Variants in RABL6 observed in about 807,000 individuals in gnomAD.
The protein encoded by RABL6 is rab-like protein 6.
RABL6 carries 28 observed loss-of-function variants against 72.9 expected under a neutral mutation model. The ratio of observed to expected loss-of-function variants is 0.38; its 90% CI spans 0.28 to 0.53. The LOEUF is 0.53. RABL6 is among the 20% of genes least tolerant of loss of function. The probability of loss-of-function intolerance (pLI) is 0.80; values close to 1 mark genes in which losing one functional copy is unlikely to be tolerated. For synonymous variants in RABL6, 477 were observed against 421.2 expected (o/e 1.13, Z -1.62); for missense variants, 1,029 against 1,008.4 (o/e 1.02, Z -0.28).
intron 9 of RABL6, 41 bp downstream of exon 9, chr9:136,837,703 C>A: frequency 6.4e-7 from 1 of 1,550,636 alleles, no homozygotes; most frequent in Non-Finnish European, 8.7e-7. Flanking sequence ...GTCCCAGACC[C>A]CCAGGCCCTC....
chr9:136,835,264 G>A (rs1324634435), intron 7 of RABL6: 1 of 153,086 alleles, frequency 6.5e-6, no homozygotes, highest in African/African-American at 2.4e-5. Flanking sequence ...CAGCTCATCA[G>A]ACCAGCCTGG....
intron 9 of RABL6, 68 bp downstream of exon 9, chr9:136,837,730 A>G (rs1291071658): frequency 1.4e-5 from 21 of 1,544,626 alleles, no homozygotes; most frequent in Non-Finnish European, 1.8e-5. Context: ...GGGGTCCTGG[A>G]TTTCGGAGCG....
At chr9:136,821,516 C>T (rs1478740309) in intron 1 of RABL6, 5 of 985,334 alleles carry the variant, frequency 5.1e-6, no homozygotes, top group Non-Finnish European at 6.0e-6. Flanking sequence ...GCTATGCGTG[C>T]GCGGCCCGGG....
Position 136,840,180 on chromosome 9 carries a change from G to GAGA in RABL6, c.1974_1976dup (p.Lys660dup), listed in dbSNP as rs145591109. ...TAAGGAGGGCAAAACCCCCTCTAAGGAGAAGAAGAAGAAGAAGAAAAAAGG... is the reference window on the plus strand; with the variant it reads ...TAAGGAGGGCAAAACCCCCTCTAAGGAGAAGAAGAAGAAGAAGAAGAAAAAAGG... On this transcript the variant is annotated inframe_insertion, in exon 14 of 15. Transcript: ENST00000311502. 5.5e-5 allele frequency: 89 copies of GAGA among 1,612,488 alleles called. No homozygotes were observed. The highest frequency in any genetic ancestry group is 2.0e-4 in the East Asian group (9 of 44,838).
rs994450349 is a variant in RABL6, at chr9:136,840,797, G to T, written c.*275G>T. The T allele has an allele frequency of 3.0e-5, 47 of 1,547,486 alleles. No homozygotes were observed. The African/African-American group carries it at 5.3e-4, about 18-fold the overall frequency. On this transcript the variant is annotated 3_prime_UTR_variant, in exon 15 of 15. Coordinates refer to ENST00000311502, the MANE Select transcript of RABL6 (RefSeq NM_024718.5). Reference sequence around the variant, plus strand: ...GCCCTCTCGGGGCAGAGCCGCCAGTGTTTCTCAGGGATGTGACTGAGGCCC... The same window carrying T: ...GCCCTCTCGGGGCAGAGCCGCCAGTTTTTCTCAGGGATGTGACTGAGGCCC...
Position 136,826,697 on chromosome 9 carries a change from T to G in RABL6, c.313+871T>G, listed in dbSNP as rs1466566393. 6.6e-6 allele frequency: 1 copy of G among 152,172 alleles called. No individual in the cohort carries two copies. The highest frequency in any genetic ancestry group is 1.5e-5 in the Non-Finnish European group (1 of 68,102). 9.4% of individuals were successfully genotyped at this position (152,172 alleles called of 1,614,324 possible). ...GTTCCAGATGCTGTCTCTGCAGAGC[T>G]CTGCGTGGTCTCTGGTGTTAGAGAG... On this transcript the variant is annotated intron_variant, in intron 3 of 14. Transcript: ENST00000311502. This position sits in a 1 kb window ranked among gnomAD's most constrained non-coding sequence, Gnocchi z 4.9.
chr9:136,835,991 G>C, intron 8 of RABL6, 146 bp downstream of exon 8: 1 of 750,998 alleles, frequency 1.3e-6, no homozygotes, highest in Non-Finnish European at 2.2e-6. Context: ...GGGTGGAGGA[G>C]GACTCAGGTT....
rs755566761 is a variant in RABL6, at chr9:136,831,840, A to T, written c.578A>T (p.Asp193Val). Residue 193 changes from aspartate to valine, a missense_variant, in exon 6 of 15, where the codon GAC (aspartate) becomes GTC (valine). By Grantham distance (152) the Asp-to-Val change is radical (BLOSUM62 -3). Around this residue, in one of 2 missense-constraint regions of RABL6, gnomAD observed 434 missense variants for 536.1 expected, o/e 0.81. Transcript: ENST00000311502. ...HRVILPDDVR[D>V]FIDNLDRPPG... The stretch of plus-strand genomic sequence containing the variant: ...GTCATCCTGCCGGACGACGTGCGTG[A>T]CTTCATCGACAACCTGGACAGGTGG... 2 of 1,612,194 alleles carry T rather than the reference A, an allele frequency of 1.2e-6. No individual in the cohort carries two copies. The highest frequency in any genetic ancestry group is 2.2e-5 in the South Asian group (2 of 91,000).
At position 136,823,392 on chromosome 9, in the gene RABL6, C is replaced by T. The variant is rs1848284865; in HGVS notation, c.131-133C>T. ...TCGTCTTCCTCCCCTGCCTGCCGGT[C>T]ACCTGGTCTGATTCTAGCAAGAAAG... is the stretch of plus-strand genomic sequence containing the variant. On this transcript the variant is annotated intron_variant, in intron 1 of 14. Coordinates refer to ENST00000311502, the MANE Select transcript of RABL6 (RefSeq NM_024718.5). 9 of 1,257,768 alleles carry T rather than the reference C, an allele frequency of 7.2e-6. No individual in the cohort carries two copies. In the South Asian group the frequency reaches 1.2e-4, roughly 17 times the overall value. The allele number at this position is 1,257,768 out of a possible 1,614,324, so 77.9% of individuals were successfully genotyped here. A position where few individuals can be genotyped will look rare whatever the true frequency, so the allele number is the denominator to read the frequency against.
At chr9:136,808,432 G>C (rs1847918022) in intron 1 of RABL6, 106 bp downstream of exon 1, 1 of 1,207,138 alleles carries the variant, frequency 8.3e-7, no homozygotes, top group South Asian at 2.8e-5. Context: ...CTTGCCGGTT[G>C]TGGGGTGCGC....
Position 136,831,781 on chromosome 9 carries a change from G to C in RABL6, c.519G>C (p.Val173=), listed in dbSNP as rs1848479744. 1 of 1,613,402 alleles carries C rather than the reference G, an allele frequency of 6.2e-7. No homozygotes were observed. Among genetic ancestry groups the C allele is most frequent in the African/African-American group, 1.3e-5 (1 of 74,916 alleles). ...TGCCCACCCACGTGCCAGTGTGCGT[G>C]CTGGGAAACTACCGGGACATGGGCG... ...PKVPTHVPVC[V]LGNYRDMGEH... The change falls in exon 6 of 15, where the codon GTG becomes GTC. Residue 173 remains valine (V), a synonymous_variant. Transcript: ENST00000311502.
chr9:136,827,168 G>C (rs963139849), intron 3 of RABL6: 1 of 152,250 alleles, frequency 6.6e-6, no homozygotes, highest in African/African-American at 2.4e-5. Flanking sequence ...GGAGGAAAAG[G>C]TCCCCAGCTT....
Position 136,828,488 on chromosome 9 carries a change from A to C in RABL6, c.314-6A>C. Reference sequence around the variant, plus strand: ...ACCTCGTAATTTTTGTTTGTTTTTAAATAAGGAAAATGCAAAAAGCGAGGC... The same window carrying C: ...ACCTCGTAATTTTTGTTTGTTTTTACATAAGGAAAATGCAAAAAGCGAGGC... On this transcript the variant is annotated splice_polypyrimidine_tract_variant and splice_region_variant and intron_variant, in intron 3 of 14. Transcript: ENST00000311502. The C allele has an allele frequency of 6.2e-7, 1 of 1,612,886 alleles. No homozygotes were observed. The highest frequency in any genetic ancestry group is 8.5e-7 in the Non-Finnish European group (1 of 1,179,722).
In RABL6 at chr9:136,840,559, G is replaced by A. The variant is rs944380718; in HGVS notation, c.*37G>A. On this transcript the variant is annotated 3_prime_UTR_variant, in exon 15 of 15. Transcript: ENST00000311502. Reference sequence around the variant, plus strand: ...CAGTGGCCGCCCTGGGGCGGGGGGCGTGCCTGTCACTGCCTGGGGAGGCAT... The same window carrying A: ...CAGTGGCCGCCCTGGGGCGGGGGGCATGCCTGTCACTGCCTGGGGAGGCAT... The A allele has an allele frequency of 2.8e-5, 44 of 1,547,422 alleles. No homozygotes were observed. Among genetic ancestry groups the A allele is most frequent in the Admixed American group, 7.9e-5 (4 of 50,950 alleles).
Position 136,808,096 on chromosome 9 carries a change from C to T in RABL6, c.-101C>T, listed in dbSNP as rs1285058732. ...CTCTGGCCGCGCCGGCTCCGGCCTCCGGGGGGGCCGGGGCCGCCGGGACAT... is the reference window on the plus strand; with the variant it reads ...CTCTGGCCGCGCCGGCTCCGGCCTCTGGGGGGGCCGGGGCCGCCGGGACAT... On this transcript the variant is annotated 5_prime_UTR_variant, in exon 1 of 15. Transcript: ENST00000311502. 1.1e-5 allele frequency: 13 copies of T among 1,230,836 alleles called. No homozygotes were observed. The highest frequency in any genetic ancestry group is 1.3e-5 in the Non-Finnish European group (13 of 977,000). The allele number at this position is 1,230,836 out of a possible 1,614,324, so 76.2% of individuals were successfully genotyped here.
Position 136,840,494 on chromosome 9 carries a change from C to T in RABL6, c.2162C>T (p.Pro721Leu). ...GGCGGGGCCCCGGGCGGCCGCCACC[C>T]TGGGGGTGGCGACTACGAGGAGCTC... is the stretch of plus-strand genomic sequence containing the variant. ...LGGGAPGGRH[P>L]GGGDYEEL Residue 721 changes from proline to leucine, a missense_variant, in exon 15 of 15, where the codon CCT (proline) becomes CTT (leucine). By Grantham distance (98) the Pro-to-Leu change is moderately conservative. Coordinates refer to ENST00000311502, the MANE Select transcript of RABL6 (RefSeq NM_024718.5). 1 of 1,529,368 alleles carries T rather than the reference C, an allele frequency of 6.5e-7. No individual in the cohort carries two copies. Among genetic ancestry groups the T allele is most frequent in the Non-Finnish European group, 8.8e-7 (1 of 1,139,328 alleles). 94.7% of individuals were successfully genotyped at this position (1,529,368 alleles called of 1,614,324 possible).
At chr9:136,817,619 T>G (rs1848147508) in intron 1 of RABL6, among the ~76,000 whole-genome samples, 2 of 63,848 alleles carry the variant, frequency 3.1e-5, no homozygotes, top group Admixed American at 3.5e-4. Flanking sequence ...TGGGCTGAGG[T>G]CTCTGTCTGA....
In RABL6 at chr9:136,839,118, A is replaced by G. The variant is rs779756197; in HGVS notation, c.1490A>G (p.Lys497Arg). Residue 497 changes from lysine (K) to arginine (R), a missense_variant, in exon 11 of 15, where the codon AAG (lysine) becomes AGG (arginine). Coordinates refer to ENST00000311502, the MANE Select transcript of RABL6 (RefSeq NM_024718.5). ...APQQCSEPET[K>R]WSSIPASKPR... Reference sequence around the variant, plus strand: ...CAGCAGTGCTCAGAGCCAGAGACCAAGTGGTAAGGGCAGGTGTCCCCACGG... The same window carrying G: ...CAGCAGTGCTCAGAGCCAGAGACCAGGTGGTAAGGGCAGGTGTCCCCACGG... 1 of 1,612,146 alleles carries G rather than the reference A, an allele frequency of 6.2e-7. No individual in the cohort carries two copies. The highest frequency in any genetic ancestry group is 1.7e-5 in the Admixed American group (1 of 59,978).
Position 136,840,517 on chromosome 9 carries a change from C to G in RABL6, c.2185C>G (p.Leu729Val), listed in dbSNP as rs774765558. The change falls in exon 15 of 15, where the codon CTC becomes GTC. Residue 729 changes from leucine (L) to valine (V), a missense_variant. Leu to Val is a conservative substitution (Grantham distance 32). This residue lies in a region of RABL6 where 595 missense variants were observed against 472.4 expected (regional missense o/e 1.26). Coordinates refer to ENST00000311502, the MANE Select transcript of RABL6 (RefSeq NM_024718.5). ...CCCTGGGGGTGGCGACTACGAGGAG[C>G]TCTAGGCCGGCGTGGGCAGTGGCCG... is the stretch of plus-strand genomic sequence containing the variant. ...RHPGGGDYEE[L>V] is the part of the protein sequence containing the mutation. The G allele has an allele frequency of 4.5e-6, 7 of 1,539,962 alleles. No homozygotes were observed. Among genetic ancestry groups the G allele is most frequent in the Non-Finnish European group, 6.1e-6 (7 of 1,143,322 alleles).
Sources: allele counts gnomAD v4.1 joint callset (sites outside exome capture counted in the v4.1 genomes callset), GRCh38; gene constraint gnomAD v4.1.1; regional missense constraint gnomAD v4.1.1; non-coding constraint Gnocchi (gnomAD v3.1); transcripts MANE v1.5; gene names NCBI Gene and HGNC (gene_info 2026-07-23, HGNC 2026-07-21).